Variants in KCTD1 observed in about 807,000 individuals in gnomAD.
The protein encoded by KCTD1 is potassium channel tetramerization domain containing 1, also known as BTB/POZ domain-containing protein KCTD1.
Under a neutral mutation model 66.0 loss-of-function variants are expected in KCTD1, and 24 were observed. The observed-to-expected ratio is 0.36, with a 90% CI of 0.26 to 0.51. KCTD1 has a LOEUF of 0.51. KCTD1 is among the 20% of genes least tolerant of loss of function. The pLI, the probability that KCTD1 is intolerant of heterozygous loss-of-function variation, is 0.95. For synonymous variants in KCTD1, 511 were observed against 517.2 expected, an observed-to-expected ratio of 0.99 and a Z score of 0.16; for missense variants, 943 against 1,205.2, an observed-to-expected ratio of 0.78 and a Z score of 3.22.
intron 2 of KCTD1, 71 bp downstream of exon 2, chr18:26,501,001 G>C: frequency 6.5e-7 from 1 of 1,544,712 alleles, no homozygotes. Context: ...ACACTGCTAT[G>C]CTGGTCAAAG....
intron 1 of KCTD1, among the ~76,000 whole-genome samples, chr18:26,568,716 GTTTGCTTCCTGTTAA>G (rs1266947855): frequency 2.6e-5 from 4 of 152,170 alleles, no homozygotes; most frequent in African/African-American, 9.7e-5. Context: ...CCAACACTCT[GTTTGCTTCCTGTTAA>G]TTTGTAACTA....
intron 1 of KCTD1, among the ~76,000 whole-genome samples, chr18:26,587,501 G>T (rs114227877): frequency 6.6e-6 from 1 of 152,068 alleles, no homozygotes; most frequent in Non-Finnish European, 1.5e-5. Context: ...TGACTTTTGC[G>T]TCTTATTATT....
chr18:26,628,896 G>A (rs1157579253), intron 1 of KCTD1, among the ~76,000 whole-genome samples: 1 of 152,190 alleles, frequency 6.6e-6, no homozygotes, highest in African/African-American at 2.4e-5. Context: ...TAGTTCAGAG[G>A]TTTTTAAACT....
chr18:26,558,873 A>C (rs752133578), intron 1 of KCTD1, among the ~76,000 whole-genome samples: 1 of 152,034 alleles, frequency 6.6e-6, no homozygotes, highest in South Asian at 2.1e-4. Context: ...CAGTGAGCCG[A>C]GATTGCACCA....
At chr18:26,539,317 G>A (rs1242205549) in intron 1 of KCTD1, among the ~76,000 whole-genome samples, 1 of 152,160 alleles carries the variant, frequency 6.6e-6, no homozygotes, top group East Asian at 1.9e-4. Flanking sequence ...AGGATTAAAT[G>A]AGAGACCACA....
At chr18:26,481,755 C>CTT (rs1981659032) in intron 2 of KCTD1, among the ~76,000 whole-genome samples, 1 of 152,188 alleles carries the variant, frequency 6.6e-6, no homozygotes, top group Admixed American at 6.5e-5. Context: ...ACCCTGGCTA[C>CTT]ACAGTGGCAT....
intron 1 of KCTD1, among the ~76,000 whole-genome samples, chr18:26,560,977 TAAAG>T (rs1985833857): frequency 6.6e-6 from 1 of 152,208 alleles, no homozygotes; most frequent in South Asian, 2.1e-4. Context: ...TTGTTTATAA[TAAAG>T]AATCATTGGA....
chr18:26,654,528 T>TA (rs1444066855), intron 1 of KCTD1, among the ~76,000 whole-genome samples: 3 of 152,194 alleles, frequency 2.0e-5, no homozygotes, highest in African/African-American at 7.2e-5. Flanking sequence ...ACAAAAATCT[T>TA]ACAGCTAGAA....
At chr18:26,512,620 T>C (rs1483455475) in intron 1 of KCTD1, among the ~76,000 whole-genome samples, 1 of 152,184 alleles carries the variant, frequency 6.6e-6, no homozygotes, top group African/African-American at 2.4e-5. Context: ...TCAGGGTGTC[T>C]GTAAGTTTAA....
intron 1 of KCTD1, among the ~76,000 whole-genome samples, chr18:26,557,922 C>T (rs992931968): frequency 3.3e-5 from 5 of 152,222 alleles, no homozygotes; most frequent in Admixed American, 6.5e-5. Context: ...TGGCTCCTTT[C>T]TTACTTTAGT....
rs923291243 is a variant in KCTD1, at chr18:26,599,444, A to T, written c.-16+29703T>A. The T allele has an allele frequency of 6.2e-6, 10 of 1,611,830 alleles. No individual in the cohort carries two copies. The Admixed American group carries it at 1.7e-4, about 27-fold the overall frequency. ...GGATCTCTGCTGGCCAGTTTGTGGC[A>T]GTGGTCTGGGATAAGTCATCCCCAG... On this transcript the variant is annotated intron_variant, in intron 1 of 4. Transcript: ENST00000317932.
At chr18:26,549,382 A>G, upstream of KCTD1, 3 of 985,486 alleles carry the variant, frequency 3.0e-6, no homozygotes, top group Non-Finnish European at 3.6e-6. Context: ...TTAAGCTGTC[A>G]TTAAAGACCT....
chr18:26,547,341 T>C lies in KCTD1; in HGVS notation c.1196A>G (p.Asn399Ser). The change falls in exon 1 of 5, where the codon AAC becomes AGC. Residue 399 changes from asparagine to serine, a missense_variant. Coordinates refer to ENST00000580059, the MANE Select transcript of KCTD1 (RefSeq NM_001142730.3). ...CTGGAAGAACGCCTTGCAGAGAGGG[T>C]TGCGTTTCGACAGGTACTTGACGAA... is the stretch of plus-strand genomic sequence containing the variant. ...ASFVKYLSKR[N>S]PLCKAFFQRP... 2 of 1,551,470 alleles carry C rather than the reference T, an allele frequency of 1.3e-6. No homozygotes were observed. Among genetic ancestry groups the C allele is most frequent in the Non-Finnish European group, 8.7e-7 (1 of 1,146,850 alleles).
At chr18:26,642,894 G>A (rs149435880), upstream of KCTD1, among the ~76,000 whole-genome samples, 2,236 of 151,306 alleles carry the variant, frequency 0.015, 32 homozygotes, top group Non-Finnish European at 0.02. Context: ...GTGGGAGGGC[G>A]GAAGGTGTGA....
chr18:26,620,624 C>A (rs1285024405), intron 1 of KCTD1, among the ~76,000 whole-genome samples: 4 of 151,542 alleles, frequency 2.6e-5, no homozygotes, highest in Admixed American at 6.6e-5. Flanking sequence ...TTTGTAGAGA[C>A]AGGGTTTCGC....
intron 3 of KCTD1, among the ~76,000 whole-genome samples, chr18:26,470,517 C>A (rs1283952364): frequency 6.6e-6 from 1 of 152,258 alleles, no homozygotes; most frequent in Admixed American, 6.5e-5. Context: ...AACGTCAACA[C>A]TGAGGATGGC....
At chr18:26,560,666 G>T (rs1435456055) in intron 1 of KCTD1, among the ~76,000 whole-genome samples, 1 of 152,186 alleles carries the variant, frequency 6.6e-6, no homozygotes, top group African/African-American at 2.4e-5. Context: ...GTGTGTTTAG[G>T]TTGTCTGTGA....
intron 3 of KCTD1, among the ~76,000 whole-genome samples, chr18:26,463,447 A>G (rs1217332567): frequency 7.9e-5 from 12 of 152,162 alleles, no homozygotes; most frequent in Admixed American, 7.9e-4. Context: ...GGCACCATCC[A>G]TATTTCTTGC....
chr18:26,568,685 C>A (rs1986038239), intron 1 of KCTD1, among the ~76,000 whole-genome samples: 1 of 152,122 alleles, frequency 6.6e-6, no homozygotes. Context: ...TTAACATGAT[C>A]CATGGAGAGC....
Sources: gnomAD v4.1 joint callset for allele counts (sites outside exome capture counted in the v4.1 genomes callset) on GRCh38, gnomAD v4.1.1 for gene constraint, MANE v1.5 for transcripts, NCBI Gene and HGNC (gene_info 2026-07-23, HGNC 2026-07-21) for gene names.